Variants in MBD5 observed in about 807,000 individuals in gnomAD.
MBD5 encodes methyl-CpG binding domain protein 5.
Under a neutral mutation model 117.3 loss-of-function variants are expected in MBD5, and 13 were observed. The observed-to-expected ratio is 0.11, with a 90% CI of 0.07 to 0.18. The LOEUF (loss-of-function observed/expected upper bound fraction) is 0.18, where lower values mean the gene tolerates loss of function less well. Ranked by LOEUF, MBD5 falls within the 10% of genes least tolerant of loss-of-function variation. The pLI, the probability that MBD5 is intolerant of heterozygous loss-of-function variation, is 1.00. For synonymous variants in MBD5, 727 were observed against 766.4 expected, an observed-to-expected ratio of 0.95 and a Z score of 0.85; for missense variants, 1,879 against 2,093.8, an observed-to-expected ratio of 0.90 and a Z score of 2.00.
intron 3 of MBD5, among the ~76,000 whole-genome samples, chr2:148,299,084 A>G (rs749298938): frequency 9.3e-5 from 14 of 150,668 alleles, no homozygotes; most frequent in Admixed American, 2.0e-4. Flanking sequence ...TCTTCCTAGA[A>G]CCTCCCAGCA....
chr2:148,038,608 A>G (rs898676263), intron 1 of MBD5, among the ~76,000 whole-genome samples: 22 of 151,488 alleles, frequency 1.5e-4, no homozygotes, highest in African/African-American at 5.1e-4. Flanking sequence ...GTTTTGATGT[A>G]ACACCAGTTT....
intron 3 of MBD5, among the ~76,000 whole-genome samples, chr2:148,263,576 C>T (rs766886172): frequency 6.6e-5 from 10 of 152,020 alleles, no homozygotes; most frequent in Non-Finnish European, 1.5e-4. Flanking sequence ...AGGGAGAATA[C>T]AATCAATCTT....
intron 3 of MBD5, among the ~76,000 whole-genome samples, chr2:148,257,383 GC>G (rs1700615938): frequency 6.6e-6 from 1 of 152,190 alleles, no homozygotes; most frequent in African/African-American, 2.4e-5. Flanking sequence ...GGGCATAAAT[GC>G]CCACCAATAT....
At chr2:148,170,998 C>G (rs1291909829) in intron 1 of MBD5, among the ~76,000 whole-genome samples, 1 of 152,130 alleles carries the variant, frequency 6.6e-6, no homozygotes, top group Non-Finnish European at 1.5e-5. Flanking sequence ...TAATCAAAAT[C>G]TCTCATCAAA....
chr2:148,330,033 A>ACCCCAC (rs1702592680), intron 3 of MBD5, among the ~76,000 whole-genome samples: 1 of 17,690 alleles, frequency 5.7e-5, no homozygotes, highest in African/African-American at 2.1e-4. Flanking sequence ...GTAGGTAAGA[A>ACCCCAC]CCCCCCCCCG....
At chr2:148,036,170 T>C (rs1694189612) in intron 1 of MBD5, among the ~76,000 whole-genome samples, 1 of 152,144 alleles carries the variant, frequency 6.6e-6, no homozygotes, top group Non-Finnish European at 1.5e-5. Flanking sequence ...AAAATATCTT[T>C]GTTGTTTCTC....
Position 148,232,676 on chromosome 2 carries a change from G to A in MBD5, c.-830-569G>A, listed in dbSNP as rs540207510. ...TTTTTTTTTTTTTGGTAGAGACATA[G>A]TCTCACTATGTTGCCAACACTGTAT... On this transcript the variant is annotated intron_variant, in intron 2 of 13. Transcript: ENST00000642680. Among the ~76,000 whole-genome samples the A allele has an allele frequency of 8.1e-5, 12 of 148,798 alleles. No homozygotes were observed. The South Asian group carries it at 1.7e-3, about 21-fold the overall frequency.
chr2:148,384,177 G>C (rs1704261757), intron 4 of MBD5, among the ~76,000 whole-genome samples: 1 of 152,118 alleles, frequency 6.6e-6, no homozygotes, highest in Admixed American at 6.6e-5. Context: ...AATTGTCCCT[G>C]TTTGCAGATG....
intron 1 of MBD5, among the ~76,000 whole-genome samples, chr2:148,118,194 A>G (rs926847059): frequency 3.9e-5 from 6 of 152,210 alleles, no homozygotes; most frequent in Non-Finnish European, 5.9e-5. Flanking sequence ...TGAACTGACT[A>G]AAATGATGGA....
chr2:148,037,487 A>G (rs1694226380), intron 1 of MBD5, among the ~76,000 whole-genome samples: 1 of 151,974 alleles, frequency 6.6e-6, no homozygotes, highest in Non-Finnish European at 1.5e-5. Context: ...ATGCTTTTTT[A>G]AAGTTATGCC....
At position 148,452,150 on chromosome 2, in the gene MBD5, A is replaced by G. The variant is rs1048326546; in HGVS notation, c.-556-6053A>G. Among the ~76,000 whole-genome samples, 5 of 152,178 alleles carry G rather than the reference A, an allele frequency of 3.3e-5. No homozygotes were observed. The South Asian group carries it at 8.3e-4, about 25-fold the overall frequency. On this transcript the variant is annotated intron_variant, in intron 4 of 13. Coordinates refer to ENST00000642680, the MANE Select transcript of MBD5 (RefSeq NM_001378120.1). ...TCAAAAAGATTTATGAAGAATAGCT[A>G]TTTACTTATTTTCATGATGTTACTT... is the stretch of plus-strand genomic sequence containing the variant.
At chr2:148,068,493 T>G (rs1695265847) in intron 1 of MBD5, 1 of 152,194 alleles carries the variant, frequency 6.6e-6, no homozygotes, top group Non-Finnish European at 1.5e-5. Context: ...GATTTTTGAT[T>G]GGTTATTTCA....
intron 1 of MBD5, among the ~76,000 whole-genome samples, chr2:148,121,043 G>A (rs1696757169): frequency 6.6e-6 from 1 of 152,184 alleles, no homozygotes; most frequent in African/African-American, 2.4e-5. Flanking sequence ...ATCCAGATCA[G>A]ATGGAGACTA....
intron 1 of MBD5, among the ~76,000 whole-genome samples, chr2:148,051,980 C>A (rs1443235613): frequency 3.3e-5 from 5 of 151,462 alleles, no homozygotes; most frequent in Non-Finnish European, 7.4e-5. Context: ...TAGTCCTGGG[C>A]TTTTTATTTC....
rs764644236 is a variant in MBD5 at position 148,490,171 on chromosome 2, A to G, written c.4539A>G (p.Leu1513=). The G allele has an allele frequency of 1.9e-6, 3 of 1,614,056 alleles. No homozygotes were observed. Among genetic ancestry groups the G allele is most frequent in the Admixed American group, 3.3e-5 (2 of 60,004 alleles). ...KRTMMSFKER[L]ENTVERCAHI... is the part of the protein sequence containing the mutation. ...CTATGATGAGTTTTAAGGAGAGACTAGAGAACACTGTGGAAAGATGTGCAC... is the reference window on the plus strand; with the variant it reads ...CTATGATGAGTTTTAAGGAGAGACTGGAGAACACTGTGGAAAGATGTGCAC... Residue 1513 remains leucine (L), a synonymous_variant, in exon 11 of 14, where the codon CTA becomes CTG. Coordinates refer to ENST00000642680, the MANE Select transcript of MBD5 (RefSeq NM_001378120.1).
At chr2:148,030,778 A>G (rs1439231070) in intron 1 of MBD5, among the ~76,000 whole-genome samples, 1 of 152,202 alleles carries the variant, frequency 6.6e-6, no homozygotes, top group Non-Finnish European at 1.5e-5. Flanking sequence ...TGACCCAGGA[A>G]AATTGCAGTT....
intron 1 of MBD5, among the ~76,000 whole-genome samples, chr2:148,060,131 G>GAAA (rs1694986394): frequency 4.5e-4 from 3 of 6,654 alleles, no homozygotes; most frequent in Non-Finnish European, 8.5e-4. Context: ...TACAAAAAGT[G>GAAA]CAAAAAAAAA....
At chr2:148,153,024 C>T (rs1021513018) in intron 1 of MBD5, among the ~76,000 whole-genome samples, 1 of 151,850 alleles carries the variant, frequency 6.6e-6, no homozygotes, top group Admixed American at 6.6e-5. Flanking sequence ...GATGCAGTTT[C>T]TTCCTAGTCT....
chr2:148,048,292 T>G lies in MBD5; in HGVS notation c.-925+26608T>G, dbSNP rs190732301. On this transcript the variant is annotated intron_variant, in intron 1 of 13. Transcript: ENST00000642680. ...TGTTAACATATATTAAGGCTCCTGA[T>G]AGGCCTTTTTTGGTTTCCCACCCAT... Among the ~76,000 whole-genome samples, 4 of 152,350 alleles carry G rather than the reference T, an allele frequency of 2.6e-5. No homozygotes were observed. The East Asian group carries it at 7.7e-4, about 29-fold the overall frequency.
Sources: allele counts gnomAD v4.1 joint callset (sites outside exome capture counted in the v4.1 genomes callset), GRCh38; gene constraint gnomAD v4.1.1; transcripts MANE v1.5; gene names NCBI Gene and HGNC (gene_info 2026-07-23, HGNC 2026-07-21).